GFI1B: variants seen among roughly 807,000 people sequenced by gnomAD.
GFI1B encodes the protein growth factor independent 1B transcriptional repressor.
GFI1B carries 20 observed loss-of-function variants against 35.3 expected under a neutral mutation model. The observed-to-expected ratio is 0.57, with a 90% CI of 0.40 to 0.82. The LOEUF (loss-of-function observed/expected upper bound fraction) is 0.82, where lower values mean the gene tolerates loss of function less well. Among genes scored for constraint, GFI1B ranks in the 40% least tolerant of loss-of-function variants. The probability of loss-of-function intolerance (pLI) is 0.00; values close to 1 mark genes in which losing one functional copy is unlikely to be tolerated. For synonymous variants in GFI1B, 178 were observed against 177.6 expected (o/e 1.00, Z -0.02); for missense variants, 430 against 446.3 (o/e 0.96, Z 0.33).
chr9:132,949,270 C>T (rs1333023093), intron 1 of GFI1B, among the ~76,000 whole-genome samples: 2 of 26,180 alleles, frequency 7.6e-5, no homozygotes, highest in African/African-American at 2.3e-4. Flanking sequence ...CCCACAGATA[C>T]ACACACACAC....
chr9:132,981,505 G>A (rs1273436592), intron 1 of GFI1B, among the ~76,000 whole-genome samples: 1 of 152,108 alleles, frequency 6.6e-6, no homozygotes, highest in Non-Finnish European at 1.5e-5. Flanking sequence ...AACTGTGGTG[G>A]TGCATGCCTG....
At chr9:132,982,260 G>A (rs1018888817) in intron 1 of GFI1B, among the ~76,000 whole-genome samples, 1 of 152,152 alleles carries the variant, frequency 6.6e-6, no homozygotes, top group African/African-American at 2.4e-5. Context: ...TAGCCCAACC[G>A]TCCCTTTTAA....
At chr9:132,973,354 C>T (rs1036040620) in intron 2 of GFI1B, among the ~76,000 whole-genome samples, 3 of 152,246 alleles carry the variant, frequency 2.0e-5, no homozygotes, top group African/African-American at 4.8e-5. Flanking sequence ...GCCCGTGGCC[C>T]GGCCTCAGCA....
intron 1 of GFI1B, among the ~76,000 whole-genome samples, chr9:132,984,708 A>G (rs1848969576): frequency 6.6e-6 from 1 of 152,194 alleles, no homozygotes; most frequent in Non-Finnish European, 1.5e-5. Context: ...CGTTTAGCAG[A>G]TATGAGCACT....
intron 1 of GFI1B, among the ~76,000 whole-genome samples, chr9:132,948,856 C>G (rs1848158887): frequency 1.3e-5 from 2 of 152,246 alleles, no homozygotes; most frequent in Non-Finnish European, 2.9e-5. Context: ...CTCCGTTTGC[C>G]CTTCTCTGTC....
intron 1 of GFI1B, among the ~76,000 whole-genome samples, chr9:132,985,464 C>T (rs1454988522): frequency 6.6e-6 from 1 of 152,190 alleles, no homozygotes; most frequent in Non-Finnish European, 1.5e-5. Context: ...CTCAGGCCTC[C>T]AGGTGCAGTG....
rs1251804062 is a variant in GFI1B, at chr9:132,962,140, T to TG, written c.-700-10585_-700-10584insG. On this transcript the variant is annotated intron_variant, in intron 1 of 10. Transcript: ENST00000339463. ...CATACAGAATTGTTTTTTTTTTCTT[T>TG]TTTTTTTTTTCTTTTGAGACAGAAT... 2.7e-5 allele frequency among the ~76,000 whole-genome samples: 4 copies of TG among 147,518 alleles called. 1 individual carries two copies.
intron 1 of GFI1B, among the ~76,000 whole-genome samples, chr9:132,955,747 G>A (rs1848271996): frequency 1.3e-5 from 2 of 152,096 alleles, no homozygotes; most frequent in South Asian, 4.1e-4. Flanking sequence ...AAATCATCCT[G>A]AGTGTATTAG....
At chr9:132,964,553 G>T (rs898665891) in intron 1 of GFI1B, among the ~76,000 whole-genome samples, 1 of 151,962 alleles carries the variant, frequency 6.6e-6, no homozygotes, top group African/African-American at 2.4e-5. Flanking sequence ...ATCAATGCCT[G>T]GTCACAATCA....
intron 1 of GFI1B, chr9:132,952,316 CTCTT>C (rs1390421807): frequency 6.6e-6 from 1 of 152,028 alleles, no homozygotes; most frequent in Non-Finnish European, 1.5e-5. Flanking sequence ...TTATCTCTCT[CTCTT>C]TTTCTTTTTT....
chr9:132,971,771 C>T (rs11788137), intron 1 of GFI1B, among the ~76,000 whole-genome samples: 24,141 of 150,328 alleles, frequency 0.16, 2,304 homozygotes, highest in African/African-American at 0.26. Context: ...GTCAGGAGTT[C>T]GAGACCAGCC....
At chr9:132,977,917 T>C (rs2132618554), upstream of GFI1B, among the ~76,000 whole-genome samples, 1 of 152,296 alleles carries the variant, frequency 6.6e-6, no homozygotes, top group African/African-American at 2.4e-5. Context: ...CCGAACTCAC[T>C]GCCACACCTC....
intron 1 of GFI1B, among the ~76,000 whole-genome samples, chr9:132,957,370 G>A (rs555548894): frequency 6.6e-6 from 1 of 152,366 alleles, no homozygotes; most frequent in South Asian, 2.1e-4. Flanking sequence ...GCAGCTATGA[G>A]GAGTTGCTAT....
downstream of GFI1B, among the ~76,000 whole-genome samples, chr9:132,993,199 C>A (rs113257865): frequency 0.084 from 12,826 of 152,192 alleles, 660 homozygotes; most frequent in Admixed American, 0.14. Context: ...GAAGCTGAGG[C>A]AGGAGAACTG....
rs146898098 is a variant in GFI1B at position 132,988,345 on chromosome 9, C to T, written c.387C>T (p.Ala129=). 10 of 1,614,070 alleles carry T rather than the reference C, an allele frequency of 6.2e-6. No homozygotes were observed. Among genetic ancestry groups the T allele is most frequent in the Non-Finnish European group, 8.5e-6 (10 of 1,180,024 alleles). The change falls in exon 4 of 7, where the codon GCC becomes GCT. Residue 129 remains alanine (A), a synonymous_variant. Transcript: ENST00000372122. ...YRQAPSTMQS[A]FLEHSVSLYG... is the part of the protein sequence containing the mutation. Reference sequence around the variant, plus strand: ...AGGCCCCCTCCACCATGCAGTCAGCCTTCCTGGAGCACTCCGTCAGCCTGT... The same window carrying T: ...AGGCCCCCTCCACCATGCAGTCAGCTTTCCTGGAGCACTCCGTCAGCCTGT...
rs1848369492 is a variant in GFI1B, at chr9:132,961,795, G to C, written c.-700-10930G>C. Among the ~76,000 whole-genome samples, 3 of 152,094 alleles carry C rather than the reference G, an allele frequency of 2.0e-5. No individual in the cohort carries two copies. The South Asian group carries it at 6.2e-4, about 32-fold the overall frequency. ...TTTAATAGAGACAGGGTTTCACCATGTTAGCCAGGATGGTCTCGATCTCCT... is the reference window on the plus strand; with the variant it reads ...TTTAATAGAGACAGGGTTTCACCATCTTAGCCAGGATGGTCTCGATCTCCT... On this transcript the variant is annotated intron_variant, in intron 1 of 10. Transcript: ENST00000339463.
chr9:132,979,256 T>A (rs1252622208), intron 1 of GFI1B, among the ~76,000 whole-genome samples: 12 of 142,156 alleles, frequency 8.4e-5, no homozygotes, highest in East Asian at 6.2e-4. Context: ...CTTTTTTTTT[T>A]TTTTTTTTTT....
intron 1 of GFI1B, among the ~76,000 whole-genome samples, chr9:132,968,026 C>T (rs986099258): frequency 1.3e-5 from 2 of 152,130 alleles, no homozygotes; most frequent in African/African-American, 4.8e-5. Context: ...AAATGATCCA[C>T]CTGCCTTGGC....
rs763219600 is a variant in GFI1B, at chr9:132,989,114, G to C, written c.564G>C (p.Gly188=). The C allele has an allele frequency of 2.5e-6, 4 of 1,614,020 alleles. No individual in the cohort carries two copies. In the South Asian group the frequency reaches 4.4e-5, roughly 18 times the overall value. The change falls in exon 5 of 7, where the codon GGG becomes GGC. Residue 188 remains glycine, a synonymous_variant. Transcript: ENST00000372122. The surrounding 1 kb of genome is among the most constrained non-coding windows in gnomAD (Gnocchi z 6.2). The part of the protein sequence containing the change: ...LEVHVRRSHS[G]TRPFACDICG... ...TGCATGTGCGACGCTCCCATAGTGG[G>C]ACCCGGCCCTTCGCCTGTGACATCT... is the stretch of plus-strand genomic sequence containing the variant.
Sources: gnomAD v4.1 joint callset for allele counts (sites outside exome capture counted in the v4.1 genomes callset) on GRCh38, gnomAD v4.1.1 for gene constraint, Gnocchi (gnomAD v3.1) non-coding constraint, MANE v1.5 for transcripts, NCBI Gene and HGNC (gene_info 2026-07-23, HGNC 2026-07-21) for gene names.